MALRD1: variants seen among roughly 807,000 people sequenced by gnomAD.
MALRD1 encodes the protein MAM and LDL-receptor class A domain-containing protein 1.
A neutral mutation model predicts 242.1 loss-of-function variants in MALRD1; 247 were observed. That is an observed-to-expected ratio of 1.02 (90% CI 0.92 to 1.13). The LOEUF (loss-of-function observed/expected upper bound fraction) is 1.13. Among genes scored for constraint, MALRD1 ranks in the 50% most tolerant of loss-of-function variants. The probability of loss-of-function intolerance (pLI) is 0.00; values close to 1 mark genes in which losing one functional copy is unlikely to be tolerated. For missense variants in MALRD1, 2,989 were observed against 2,533.1 expected (o/e 1.18, Z -3.86); for synonymous variants, 995 against 866.6 (o/e 1.15, Z -2.60).
intron 36 of MALRD1, among the ~76,000 whole-genome samples, chr10:19,692,064 T>TGAATATTGAA (rs771363675): frequency 2.6e-5 from 4 of 152,142 alleles, no homozygotes; most frequent in Non-Finnish European, 5.9e-5. Flanking sequence ...GTCAAGAAGA[T>TGAATATTGAA]GAATATTGAA....
intron 19 of MALRD1, among the ~76,000 whole-genome samples, chr10:19,261,527 A>T (rs1839752454): frequency 1.3e-5 from 2 of 151,018 alleles, no homozygotes; most frequent in African/African-American, 4.9e-5. Context: ...AGTAAGAATC[A>T]TGCTTGTAAC....
chr10:19,585,634 C>A (rs527392040), intron 33 of MALRD1, among the ~76,000 whole-genome samples: 4 of 152,008 alleles, frequency 2.6e-5, no homozygotes, highest in Admixed American at 1.3e-4. Context: ...GGTAACCCGA[C>A]CTTTCTTTCT....
intron 31 of MALRD1, among the ~76,000 whole-genome samples, chr10:19,516,502 T>C (rs1479447432): frequency 6.6e-6 from 1 of 152,198 alleles, no homozygotes; most frequent in Non-Finnish European, 1.5e-5. Flanking sequence ...TAGAGTCAAA[T>C]TCTTTTTCTT....
chr10:19,429,713 T>C (rs1219192594), intron 28 of MALRD1, among the ~76,000 whole-genome samples: 1 of 152,192 alleles, frequency 6.6e-6, no homozygotes, highest in South Asian at 2.1e-4. Flanking sequence ...CGTTCAATTA[T>C]CTTCATCTAA....
intron 26 of MALRD1, among the ~76,000 whole-genome samples, chr10:19,359,682 A>C (rs1196813571): frequency 6.6e-6 from 1 of 152,144 alleles, no homozygotes; most frequent in Non-Finnish European, 1.5e-5. Flanking sequence ...AAGTGAAAAA[A>C]AAAGACATCA....
chr10:19,377,946 C>T (rs1350338123), intron 26 of MALRD1, among the ~76,000 whole-genome samples: 1 of 152,072 alleles, frequency 6.6e-6, no homozygotes, highest in Non-Finnish European at 1.5e-5. Flanking sequence ...ATCCCAATCC[C>T]TTTCATTCAC....
intron 34 of MALRD1, among the ~76,000 whole-genome samples, chr10:19,604,660 A>T (rs1838521497): frequency 6.6e-6 from 1 of 152,190 alleles, no homozygotes; most frequent in African/African-American, 2.4e-5. Flanking sequence ...TCAATGAAAG[A>T]GCCTTCTATT....
At chr10:19,237,030 T>C (rs529433435) in intron 18 of MALRD1, among the ~76,000 whole-genome samples, 1 of 152,004 alleles carries the variant, frequency 6.6e-6, no homozygotes, top group Non-Finnish European at 1.5e-5. Flanking sequence ...TTATATAGAT[T>C]TATAGGATAC....
intron 5 of MALRD1, among the ~76,000 whole-genome samples, chr10:19,119,521 C>T (rs181446304): frequency 3.9e-4 from 59 of 152,194 alleles, no homozygotes; most frequent in South Asian, 3.5e-3. Context: ...CACAGGAAGT[C>T]GGAGCTGTCT....
At chr10:19,721,774 T>C (rs1046122252) in intron 38 of MALRD1, 1 of 152,234 alleles carries the variant, frequency 6.6e-6, no homozygotes, top group African/African-American at 2.4e-5. Context: ...AGAAAGGCCA[T>C]GCCTAATCTA....
chr10:19,661,593 C>G, intron 36 of MALRD1, among the ~76,000 whole-genome samples: 1 of 151,962 alleles, frequency 6.6e-6, no homozygotes, highest in East Asian at 1.9e-4. Context: ...AATGAGAACA[C>G]ATGGACACAG....
intron 29 of MALRD1, among the ~76,000 whole-genome samples, chr10:19,454,431 T>TACATAC (rs1011890675): frequency 1.5e-5 from 2 of 136,712 alleles, no homozygotes; most frequent in South Asian, 2.2e-4. Flanking sequence ...TATATATATA[T>TACATAC]AATTATATGA....
At chr10:19,054,500 C>G (rs1834605107) in intron 1 of MALRD1, among the ~76,000 whole-genome samples, 1 of 152,142 alleles carries the variant, frequency 6.6e-6, no homozygotes. Flanking sequence ...TGCAATAGAT[C>G]TCAGAATTTA....
At chr10:19,385,655 T>C (rs560707746) in intron 26 of MALRD1, among the ~76,000 whole-genome samples, 12 of 152,200 alleles carry the variant, frequency 7.9e-5, no homozygotes, top group African/African-American at 2.9e-4. Context: ...GCTAAGTGTC[T>C]GTCAGTTTTA....
intron 1 of MALRD1, among the ~76,000 whole-genome samples, chr10:19,054,403 A>T (rs1282195717): frequency 6.6e-6 from 1 of 152,072 alleles, no homozygotes; most frequent in African/African-American, 2.4e-5. Flanking sequence ...CTCACTTATC[A>T]ATTTTTTTTG....
At chr10:19,690,747 C>T (rs1842783460) in intron 36 of MALRD1, among the ~76,000 whole-genome samples, 1 of 151,686 alleles carries the variant, frequency 6.6e-6, no homozygotes, top group Non-Finnish European at 1.5e-5. Context: ...AATATATATA[C>T]ATTTAGATAA....
In MALRD1 at chr10:19,200,731, A is replaced by G. The variant is rs1366973501; in HGVS notation, c.1952-2997A>G. ...TGAAGAGCTCAAAAAAATGACAGGG[A>G]TGGACCTGTGAGCCAACCCAGCAAG... On this transcript the variant is annotated intron_variant, in intron 14 of 39. Transcript: ENST00000454679. Among the ~76,000 whole-genome samples, 10 of 135,682 alleles carry G rather than the reference A, an allele frequency of 7.4e-5. No individual in the cohort carries two copies. The Admixed American group carries it at 8.4e-4, about 11-fold the overall frequency. The allele number at this position is 135,682 out of a possible 152,430, so 89.0% of individuals were successfully genotyped here.
chr10:19,270,838 A>G (rs866476323), intron 19 of MALRD1, among the ~76,000 whole-genome samples: 2 of 151,502 alleles, frequency 1.3e-5, no homozygotes, highest in African/African-American at 4.9e-5. Flanking sequence ...ACACACACAC[A>G]CACACGCACA....
intron 19 of MALRD1, among the ~76,000 whole-genome samples, 159 bp from the exon 20 acceptor site, chr10:19,279,888 C>T (rs1165096150): frequency 6.6e-6 from 1 of 152,182 alleles, no homozygotes; most frequent in African/African-American, 2.4e-5. Context: ...TTACTAAAAA[C>T]AAGAACCTCG....
Sources: gnomAD v4.1 joint callset for allele counts (sites outside exome capture counted in the v4.1 genomes callset) on GRCh38, gnomAD v4.1.1 for gene constraint, MANE v1.5 for transcripts, NCBI Gene and HGNC (gene_info 2026-07-23, HGNC 2026-07-21) for gene names.